Variants in SMG6 observed in about 807,000 individuals in gnomAD.
SMG6 encodes telomerase-binding protein EST1A.
SMG6 carries 66 observed loss-of-function variants against 142.2 expected under a neutral mutation model. The ratio of observed to expected loss-of-function variants is 0.46; its 90% confidence interval spans 0.38 to 0.57. SMG6 has a LOEUF of 0.57. Ranked by LOEUF, SMG6 falls within the 20% of genes least tolerant of loss-of-function variation. The pLI is 0.00. For missense variants in SMG6, 1,793 were observed against 1,832.0 expected, an observed-to-expected ratio of 0.98 and a Z score of 0.39; for synonymous variants, 779 against 702.4, an observed-to-expected ratio of 1.11 and a Z score of -1.72.
At chr17:2,215,323 T>C (rs1597619711) in intron 10 of SMG6, among the ~76,000 whole-genome samples, 1 of 152,196 alleles carries the variant, frequency 6.6e-6, no homozygotes, top group Non-Finnish European at 1.5e-5. Flanking sequence ...TCCCGGCTGA[T>C]ACATCATGGC....
In SMG6 at chr17:2,088,282, G is replaced by C. The variant is rs190573586; in HGVS notation, c.3358-2381C>G. 1,239 of 985,374 alleles carry C rather than the reference G, an allele frequency of 1.3e-3. 2 individuals carry two copies. Among genetic ancestry groups the C allele is most frequent in the Admixed American group, 2.3e-3 (37 of 16,284 alleles). 61.0% of individuals were successfully genotyped at this position (985,374 alleles called of 1,614,324 possible). A position where few individuals can be genotyped will look rare whatever the true frequency, so the allele number is the denominator to read the frequency against. On this transcript the variant is annotated intron_variant, in intron 13 of 18. Coordinates refer to ENST00000263073, the MANE Select transcript of SMG6 (RefSeq NM_017575.5). ...GACAGGGAGAAAAGCCACATGTGTG[G>C]ATGTGGGACTCCTGGAGATGGGGAT...
intron 6 of SMG6, among the ~76,000 whole-genome samples, chr17:2,288,239 G>A (rs968160798): frequency 7.9e-5 from 12 of 152,078 alleles, no homozygotes; most frequent in Non-Finnish European, 1.8e-4. Context: ...ACTTGAACCC[G>A]GGAGGTGGAG....
At chr17:2,090,998 A>G (rs183286313) in intron 13 of SMG6, among the ~76,000 whole-genome samples, 1 of 152,326 alleles carries the variant, frequency 6.6e-6, no homozygotes, top group Non-Finnish European at 1.5e-5. Context: ...TCAATTAGCA[A>G]TGGGTTAATT....
intron 10 of SMG6, among the ~76,000 whole-genome samples, chr17:2,227,486 A>T (rs757937171): frequency 1.2e-4 from 19 of 152,162 alleles, no homozygotes; most frequent in Admixed American, 2.0e-4. Context: ...AAGAGTGCAC[A>T]CTCTTAGGAT....
chr17:2,119,826 TAA>T (rs1385301375), intron 13 of SMG6, among the ~76,000 whole-genome samples: 1 of 152,180 alleles, frequency 6.6e-6, no homozygotes, highest in Admixed American at 6.5e-5. Context: ...CATGCCTGGC[TAA>T]TTTTTTTGTA....
At chr17:2,235,411 G>A (rs115986318) in intron 10 of SMG6, among the ~76,000 whole-genome samples, 96 of 152,240 alleles carry the variant, frequency 6.3e-4, no homozygotes, top group African/African-American at 2.2e-3. Context: ...GGCAAAGTGT[G>A]GCATATTCAC....
At chr17:2,237,006 G>A (rs1389522839) in intron 9 of SMG6, 2 of 204,096 alleles carry the variant, frequency 9.8e-6, no homozygotes, top group Non-Finnish European at 1.7e-5. Flanking sequence ...CAAATTTCCT[G>A]AAACCTTCAC....
rs868840498 is a variant in SMG6, at chr17:2,273,311, T to C, written c.2661+9336A>G. 5.6e-4 allele frequency among the ~76,000 whole-genome samples: 85 copies of C among 151,958 alleles called. 1 individual carries two copies. The highest frequency in any genetic ancestry group is 2.0e-3 in the African/African-American group (83 of 41,424). The stretch of plus-strand genomic sequence containing the variant: ...TGGGCGGATCACTTAAGGTCAGGAG[T>C]TCACGACCTGCCTGGACAACACAGA... On this transcript the variant is annotated intron_variant, in intron 8 of 18. Transcript: ENST00000263073.
intron 13 of SMG6, among the ~76,000 whole-genome samples, chr17:2,141,849 A>G (rs1028602800): frequency 2.0e-5 from 3 of 152,212 alleles, no homozygotes; most frequent in Non-Finnish European, 4.4e-5. Flanking sequence ...TTCATTAGAT[A>G]AGAGACTGGC....
intron 8 of SMG6, chr17:2,265,906 A>T: frequency 1.3e-6 from 1 of 786,882 alleles, no homozygotes; most frequent in Non-Finnish European, 1.5e-6. Context: ...AGAATGAAAT[A>T]TGAACTTCAG....
At chr17:2,084,766 T>C (rs996208464) in intron 14 of SMG6, among the ~76,000 whole-genome samples, 2 of 152,232 alleles carry the variant, frequency 1.3e-5, no homozygotes, top group African/African-American at 4.8e-5. Flanking sequence ...CCTAAGTCTC[T>C]TGTCTTTAAC....
intron 12 of SMG6, among the ~76,000 whole-genome samples, chr17:2,185,108 G>A (rs2071936802): frequency 6.6e-6 from 1 of 151,746 alleles, no homozygotes; most frequent in African/African-American, 2.4e-5. Flanking sequence ...GACACAAACA[G>A]GTATAGACAC....
chr17:2,121,388 A>G (rs1212547075), intron 13 of SMG6, among the ~76,000 whole-genome samples: 1 of 152,194 alleles, frequency 6.6e-6, no homozygotes, highest in Non-Finnish European at 1.5e-5. Flanking sequence ...TAAATGAAAA[A>G]AGCCTTTCTC....
chr17:2,157,566 T>C (rs965760468), intron 13 of SMG6, among the ~76,000 whole-genome samples: 3 of 152,020 alleles, frequency 2.0e-5, no homozygotes, highest in African/African-American at 4.8e-5. Flanking sequence ...CCAACATGAG[T>C]ATGACTGAGC....
chr17:2,289,915 C>CA (rs1218580158), intron 6 of SMG6, among the ~76,000 whole-genome samples: 7 of 134,408 alleles, frequency 5.2e-5, no homozygotes, highest in African/African-American at 8.6e-5. Context: ...GGCTCCATCT[C>CA]AAAAAAAAAT....
chr17:2,067,938 C>G (rs1311041967), intron 16 of SMG6, among the ~76,000 whole-genome samples: 1 of 152,184 alleles, frequency 6.6e-6, no homozygotes, highest in African/African-American at 2.4e-5. Context: ...ACAAGGCTCT[C>G]AAACTTGCTC....
chr17:2,272,870 G>A (rs1340964166), intron 8 of SMG6, among the ~76,000 whole-genome samples: 3 of 151,924 alleles, frequency 2.0e-5, no homozygotes, highest in Non-Finnish European at 2.9e-5. Flanking sequence ...CCCAGGAGGC[G>A]GAGGAGCTGA....
At position 2,230,209 on chromosome 17, in the gene SMG6, A is replaced by G. The variant is rs1403614864; in HGVS notation, c.2869+6283T>C. On this transcript the variant is annotated intron_variant, in intron 10 of 18. Coordinates refer to ENST00000263073, the MANE Select transcript of SMG6 (RefSeq NM_017575.5). ...TCCAAAAAAAAAAAAAAAAAAAAAA[A>G]AAAAAAAAAAAAGGAAAAGAAAGGA... is the stretch of plus-strand genomic sequence containing the variant. 2.2e-4 allele frequency among the ~76,000 whole-genome samples: 25 copies of G among 116,180 alleles called. 2 individuals carry two copies. The highest frequency in any genetic ancestry group is 8.6e-4 in the African/African-American group (25 of 28,964). The allele number at this position is 116,180 out of a possible 152,430, so 76.2% of individuals were successfully genotyped here.
At chr17:2,213,229 G>A (rs1345097614) in intron 10 of SMG6, among the ~76,000 whole-genome samples, 1 of 152,218 alleles carries the variant, frequency 6.6e-6, no homozygotes, top group Non-Finnish European at 1.5e-5. Context: ...GAGTGCCAAA[G>A]CACTTTCTTT....
Sources: gnomAD v4.1 joint callset for allele counts (sites outside exome capture counted in the v4.1 genomes callset) on GRCh38, gnomAD v4.1.1 for gene constraint, MANE v1.5 for transcripts, NCBI Gene and HGNC (gene_info 2026-07-23, HGNC 2026-07-21) for gene names.